GRID1: variants seen among roughly 807,000 people sequenced by gnomAD.
GRID1 encodes the protein glutamate receptor ionotropic, delta-1.
In GRID1, 28 loss-of-function variants were observed where a neutral mutation model predicts 98.0. The ratio of observed to expected loss-of-function variants is 0.29; its 90% CI spans 0.21 to 0.39. The LOEUF is 0.39. Ranked by LOEUF, GRID1 falls within the 10% of genes least tolerant of loss-of-function variation. The pLI is 1.00. For synonymous variants in GRID1, 553 were observed against 538.5 expected, an observed-to-expected ratio of 1.03 and a Z score of -0.37; for missense variants, 1,111 against 1,340.5, an observed-to-expected ratio of 0.83 and a Z score of 2.67.
intron 5 of GRID1, among the ~76,000 whole-genome samples, chr10:85,894,900 T>C (rs1023897004): frequency 6.0e-5 from 9 of 150,408 alleles, no homozygotes; most frequent in Non-Finnish European, 1.3e-4. Context: ...CCCAGCTATT[T>C]GGGAGGCTGA....
chr10:86,022,423 G>C (rs1214026597), intron 4 of GRID1, among the ~76,000 whole-genome samples: 1 of 152,186 alleles, frequency 6.6e-6, no homozygotes, highest in African/African-American at 2.4e-5. Context: ...GGACAGTGCA[G>C]GGCCACAGGG....
chr10:86,019,066 G>A (rs951730591), intron 4 of GRID1, among the ~76,000 whole-genome samples: 1 of 152,134 alleles, frequency 6.6e-6, no homozygotes, highest in African/African-American at 2.4e-5. Flanking sequence ...CCTCTTATAG[G>A]ACAAGATGGT....
intron 6 of GRID1, among the ~76,000 whole-genome samples, chr10:85,868,039 G>A (rs1843238440): frequency 1.3e-5 from 2 of 152,176 alleles, no homozygotes; most frequent in Admixed American, 1.3e-4. Flanking sequence ...GTTATGGGGT[G>A]GGGCTGATAC....
At chr10:86,252,541 C>G (rs1052267875) in intron 2 of GRID1, among the ~76,000 whole-genome samples, 4 of 152,200 alleles carry the variant, frequency 2.6e-5, no homozygotes, top group African/African-American at 9.6e-5. Context: ...GACACCATCT[C>G]TACTTTGGTG....
chr10:85,882,841 T>C (rs767468896), intron 5 of GRID1, among the ~76,000 whole-genome samples: 4 of 152,098 alleles, frequency 2.6e-5, no homozygotes, highest in African/African-American at 4.8e-5. Context: ...CTTTTCTGTT[T>C]GGATGCTTTT....
chr10:85,771,006 A>G (rs1387691675), intron 8 of GRID1, among the ~76,000 whole-genome samples: 2 of 152,204 alleles, frequency 1.3e-5, no homozygotes, highest in Non-Finnish European at 2.9e-5. Context: ...GAGCAACTCC[A>G]ACACACATAA....
chr10:85,865,942 T>TATATATATATATATACAC (rs1199144734), intron 6 of GRID1, among the ~76,000 whole-genome samples: 4 of 94,874 alleles, frequency 4.2e-5, no homozygotes, highest in Admixed American at 2.6e-4. Flanking sequence ...TATATATATA[T>TATATATATATATATACAC]ACACATATAT....
rs1420300528 is a variant in GRID1, at chr10:86,365,624, A to G, written c.79+690T>C. 1.3e-5 allele frequency among the ~76,000 whole-genome samples: 2 copies of G among 150,122 alleles called. No homozygotes were observed. Among genetic ancestry groups the G allele is most frequent in the African/African-American group, 4.9e-5 (2 of 40,654 alleles). The stretch of plus-strand genomic sequence containing the variant: ...GGGCCCCCAAGACTTGGACCACGCA[A>G]AACTCTAGGACTGTCCAGGATGGGG... On this transcript the variant is annotated intron_variant, in intron 1 of 15. Transcript: ENST00000327946. The surrounding 1 kb of genome is among the most constrained non-coding windows in gnomAD (Gnocchi z 4.8).
intron 12 of GRID1, among the ~76,000 whole-genome samples, chr10:85,652,847 C>G (rs953302382): frequency 2.0e-5 from 3 of 152,168 alleles, no homozygotes; most frequent in Non-Finnish European, 4.4e-5. Flanking sequence ...TCAAAAAACC[C>G]TATTTCCTGT....
At chr10:86,254,344 T>C (rs1243783895) in intron 2 of GRID1, among the ~76,000 whole-genome samples, 2 of 152,004 alleles carry the variant, frequency 1.3e-5, no homozygotes, top group African/African-American at 4.8e-5. Context: ...AGGCCAGAGG[T>C]TCTCAAAGTG....
intron 3 of GRID1, among the ~76,000 whole-genome samples, chr10:86,172,591 ATT>A (rs1397419637): frequency 4.6e-5 from 7 of 152,204 alleles, no homozygotes; most frequent in Non-Finnish European, 1.0e-4. Flanking sequence ...ATATGACTAT[ATT>A]ATATGCATGT....
intron 2 of GRID1, among the ~76,000 whole-genome samples, chr10:86,359,074 C>A (rs1848569425): frequency 6.6e-6 from 1 of 152,154 alleles, no homozygotes; most frequent in Non-Finnish European, 1.5e-5. Flanking sequence ...GGCTTCTGAC[C>A]TGCAGAACTG....
chr10:85,743,105 G>GCTCC (rs774463906), intron 8 of GRID1, among the ~76,000 whole-genome samples: 1 of 82,706 alleles, frequency 1.2e-5, no homozygotes. Flanking sequence ...GAATTATGCA[G>GCTCC]CCCCCCCCCC....
chr10:86,111,515 T>C (rs773229171), intron 4 of GRID1, among the ~76,000 whole-genome samples: 3 of 152,314 alleles, frequency 2.0e-5, no homozygotes, highest in African/African-American at 2.4e-5. Flanking sequence ...AAGATACCTG[T>C]ATGTATCTCA....
rs182412913 is a variant in GRID1 at position 85,869,648 on chromosome 10, T to A, written c.781-468A>T. ...TTACAAAATATTTGCACACGAATTT[T>A]GAGAATATATCCATTCATTTATTCA... On this transcript the variant is annotated intron_variant, in intron 5 of 15. Coordinates refer to ENST00000327946, the MANE Select transcript of GRID1 (RefSeq NM_017551.3). Among the ~76,000 whole-genome samples, 12 of 152,340 alleles carry A rather than the reference T, an allele frequency of 7.9e-5. No individual in the cohort carries two copies. The East Asian group carries it at 2.3e-3, about 29-fold the overall frequency.
chr10:86,251,109 C>T (rs562769432), intron 2 of GRID1, among the ~76,000 whole-genome samples: 5 of 152,268 alleles, frequency 3.3e-5, no homozygotes, highest in Middle Eastern at 3.4e-3. Flanking sequence ...AAGGGCGGTG[C>T]AAGTTGTGCT....
chr10:85,851,005 A>G (rs1237574270), intron 8 of GRID1, among the ~76,000 whole-genome samples: 1 of 152,186 alleles, frequency 6.6e-6, no homozygotes, highest in Non-Finnish European at 1.5e-5. Flanking sequence ...CACCTTTGGA[A>G]ACTTAACTAC....
intron 3 of GRID1, among the ~76,000 whole-genome samples, chr10:86,201,695 T>TAAAAAAATAA (rs1845955174): frequency 7.1e-6 from 1 of 141,472 alleles, no homozygotes; most frequent in Non-Finnish European, 1.5e-5. Context: ...AAATAAAAGT[T>TAAAAAAATAA]AAAAAAAAAA....
chr10:85,780,376 G>A (rs927747630), intron 8 of GRID1, among the ~76,000 whole-genome samples: 1 of 152,230 alleles, frequency 6.6e-6, no homozygotes, highest in Admixed American at 6.5e-5. Context: ...AGGTAGAGGA[G>A]GAAGTGGGGC....
Sources: allele counts gnomAD v4.1 joint callset (sites outside exome capture counted in the v4.1 genomes callset), GRCh38; gene constraint gnomAD v4.1.1; non-coding constraint Gnocchi (gnomAD v3.1); transcripts MANE v1.5; gene names NCBI Gene and HGNC (gene_info 2026-07-23, HGNC 2026-07-21).